CPED1: variants seen among roughly 807,000 people sequenced by gnomAD.
The protein encoded by CPED1 is cadherin like and PC-esterase domain containing 1.
In CPED1, 114 loss-of-function variants were observed where a neutral mutation model predicts 128.2. The observed-to-expected ratio is 0.89, with a 90% CI of 0.76 to 1.04. The LOEUF (loss-of-function observed/expected upper bound fraction) is 1.04, where lower values mean the gene tolerates loss of function less well. Among genes scored for constraint, CPED1 ranks in the 50% least tolerant of loss-of-function variants. The pLI is 0.00. For synonymous variants in CPED1, 462 were observed against 426.7 expected, an observed-to-expected ratio of 1.08 and a Z score of -1.02; for missense variants, 1,211 against 1,207.1, an observed-to-expected ratio of 1.00 and a Z score of -0.05.
chr7:121,036,516 TTCTTTC>T (rs1563000487), intron 3 of CPED1, among the ~76,000 whole-genome samples: 1 of 137,006 alleles, frequency 7.3e-6, no homozygotes, highest in Non-Finnish European at 1.6e-5. Context: ...TATTTTTTTT[TTCTTTC>T]TTTATCCACT....
intron 5 of CPED1, among the ~76,000 whole-genome samples, chr7:121,074,509 G>GTTT (rs1157885862): frequency 1.1e-4 from 9 of 80,840 alleles, no homozygotes; most frequent in African/African-American, 3.2e-4. Flanking sequence ...TTTCCTTTGT[G>GTTT]TTTTTTTTTT....
chr7:121,223,757 T>G (rs1268384231), intron 16 of CPED1, among the ~76,000 whole-genome samples: 1 of 152,182 alleles, frequency 6.6e-6, no homozygotes, highest in African/African-American at 2.4e-5. Flanking sequence ...GAGGTATTTA[T>G]AGTATTCTCT....
rs144547146 is a variant in CPED1, at chr7:120,989,442, G to A, written c.-180G>A. ...GGAAGAGCTCTTATTAAAAGCCTCAGACTTTCGGGACCTATGATTCTTTGG... is the reference window on the plus strand; with the variant it reads ...GGAAGAGCTCTTATTAAAAGCCTCAAACTTTCGGGACCTATGATTCTTTGG... On this transcript the variant is annotated 5_prime_UTR_variant, in exon 2 of 23. Coordinates refer to ENST00000310396, the MANE Select transcript of CPED1 (RefSeq NM_024913.5). The A allele has an allele frequency of 1.5e-3, 1,027 of 685,060 alleles. 3 individuals carry two copies. The highest frequency in any genetic ancestry group is 7.8e-3 in the Middle Eastern group (19 of 2,432). 42.4% of individuals were successfully genotyped at this position (685,060 alleles called of 1,614,324 possible).
chr7:121,046,696 AT>A (rs1793208766), intron 3 of CPED1, among the ~76,000 whole-genome samples, 190 bp from the exon 4 acceptor site: 1 of 152,054 alleles, frequency 6.6e-6, no homozygotes, highest in Admixed American at 6.5e-5. Context: ...AAATATAAAA[AT>A]ACTAGAAATT....
chr7:121,127,315 C>G, intron 10 of CPED1, 58 bp downstream of exon 10: 3 of 1,086,040 alleles, frequency 2.8e-6, no homozygotes, highest in Admixed American at 2.4e-5. Flanking sequence ...TAGAAGGTGT[C>G]ATTCTCCTTA....
chr7:120,991,878 G>A (rs1489592727), intron 2 of CPED1, among the ~76,000 whole-genome samples: 4 of 152,294 alleles, frequency 2.6e-5, no homozygotes, highest in South Asian at 2.1e-4. Flanking sequence ...GATATGGAAA[G>A]TAGATTTCCA....
At chr7:121,020,177 G>T (rs139862038) in intron 3 of CPED1, among the ~76,000 whole-genome samples, 55 of 152,124 alleles carry the variant, frequency 3.6e-4, no homozygotes, top group African/African-American at 9.9e-4. Flanking sequence ...CAGAATTAAA[G>T]TCAGTCTTGC....
At chr7:121,255,645 T>G (rs1299267954) in intron 18 of CPED1, among the ~76,000 whole-genome samples, 1 of 152,066 alleles carries the variant, frequency 6.6e-6, no homozygotes, top group African/African-American at 2.4e-5. Flanking sequence ...ACGATATGAT[T>G]CTATACCTAG....
intron 16 of CPED1, among the ~76,000 whole-genome samples, chr7:121,215,167 G>T (rs1309279883): frequency 6.6e-6 from 1 of 152,010 alleles, no homozygotes; most frequent in East Asian, 1.9e-4. Flanking sequence ...AGCTCTGCTA[G>T]TGAAAGCATA....
intron 7 of CPED1, among the ~76,000 whole-genome samples, chr7:121,104,538 T>C (rs1312176434): frequency 6.6e-6 from 1 of 152,156 alleles, no homozygotes; most frequent in East Asian, 1.9e-4. Flanking sequence ...TATTTGACTA[T>C]TTTTATGAAA....
At chr7:121,177,650 T>C (rs969999083) in intron 16 of CPED1, among the ~76,000 whole-genome samples, 1 of 152,108 alleles carries the variant, frequency 6.6e-6, no homozygotes, top group African/African-American at 2.4e-5. Context: ...AACGGCTAGT[T>C]CCTTCCAAAG....
intron 22 of CPED1, among the ~76,000 whole-genome samples, chr7:121,290,905 A>G (rs1792685482): frequency 6.6e-6 from 1 of 152,144 alleles, no homozygotes; most frequent in Admixed American, 6.5e-5. Context: ...GGTATTGCCT[A>G]GGTTTTCTTC....
intron 7 of CPED1, among the ~76,000 whole-genome samples, chr7:121,107,271 A>AGC (rs1795001090): frequency 6.6e-6 from 1 of 152,176 alleles, no homozygotes; most frequent in Non-Finnish European, 1.5e-5. Flanking sequence ...ACAAGGCTTA[A>AGC]CTTTTTCATC....
intron 2 of CPED1, among the ~76,000 whole-genome samples, chr7:121,007,129 G>C (rs1048718339): frequency 3.9e-5 from 6 of 152,038 alleles, no homozygotes; most frequent in African/African-American, 1.4e-4. Flanking sequence ...TATGCGTAGG[G>C]GTTAGCTTGG....
At chr7:121,235,003 A>G (rs948934826) in intron 16 of CPED1, among the ~76,000 whole-genome samples, 5 of 152,120 alleles carry the variant, frequency 3.3e-5, no homozygotes, top group Non-Finnish European at 1.5e-5. Flanking sequence ...TTATTTTAGT[A>G]TAAACTGCTC....
intron 19 of CPED1, 31 bp from the exon 20 acceptor site, chr7:121,266,676 A>C (rs1188325632): frequency 1.3e-6 from 2 of 1,536,746 alleles, no homozygotes; most frequent in Admixed American, 1.7e-5. Flanking sequence ...GTTTTAGGGC[A>C]ACATGTGTTG....
chr7:121,213,946 C>T (rs1007677803), intron 16 of CPED1, among the ~76,000 whole-genome samples: 2 of 151,976 alleles, frequency 1.3e-5, no homozygotes, highest in Admixed American at 1.3e-4. Flanking sequence ...GTTCCAGGAT[C>T]CAGTTTAGGA....
intron 22 of CPED1, among the ~76,000 whole-genome samples, chr7:121,276,771 G>C (rs1449548251): frequency 4.6e-5 from 7 of 152,104 alleles, no homozygotes; most frequent in Middle Eastern, 3.2e-3. Context: ...AATACCTGAT[G>C]TTCTCATAAT....
rs954638741 is a variant in CPED1, at chr7:121,066,822, A to C, written c.616+2509A>C. Among the ~76,000 whole-genome samples the C allele has an allele frequency of 5.9e-5, 9 of 152,280 alleles. No individual in the cohort carries two copies. In the South Asian group the frequency reaches 1.0e-3, roughly 18 times the overall value. On this transcript the variant is annotated intron_variant, in intron 5 of 22. Coordinates refer to ENST00000310396, the MANE Select transcript of CPED1 (RefSeq NM_024913.5). ...CTGGATTCAACCAACCATGGATAGAAGTATTAGGAAAAATAGTCTCACAAA... is the reference window on the plus strand; with the variant it reads ...CTGGATTCAACCAACCATGGATAGACGTATTAGGAAAAATAGTCTCACAAA...
Sources: allele counts gnomAD v4.1 joint callset (sites outside exome capture counted in the v4.1 genomes callset), GRCh38; gene constraint gnomAD v4.1.1; transcripts MANE v1.5; gene names NCBI Gene and HGNC (gene_info 2026-07-23, HGNC 2026-07-21).